TP63: variants seen among roughly 807,000 people sequenced by gnomAD.
TP63 encodes tumor protein 63.
TP63 carries 17 observed loss-of-function variants against 82.8 expected under a neutral mutation model. The observed-to-expected ratio is 0.21, with a 90% CI of 0.14 to 0.31. The LOEUF (loss-of-function observed/expected upper bound fraction) is 0.31, where lower values mean the gene tolerates loss of function less well. Ranked by LOEUF, TP63 falls within the 10% of genes least tolerant of loss-of-function variation. The pLI is 1.00. For synonymous variants in TP63, 330 were observed against 321.7 expected, an observed-to-expected ratio of 1.03 and a Z score of -0.28; for missense variants, 648 against 895.3, an observed-to-expected ratio of 0.72 and a Z score of 3.52.
intron 3 of TP63, among the ~76,000 whole-genome samples, chr3:189,775,673 A>G (rs1256666042): frequency 6.6e-6 from 1 of 152,154 alleles, no homozygotes; most frequent in Non-Finnish European, 1.5e-5. Context: ...TAATTCACAC[A>G]TTTTTAAGTA....
chr3:189,738,699 T>C lies in TP63; in HGVS notation c.249T>C (p.Asp83=), dbSNP rs765622386. The change falls in exon 3 of 14, where the codon GAT becomes GAC. Residue 83 remains aspartate (D), a synonymous_variant. Transcript: ENST00000264731. ...ACTTTGTGGATGAACCATCAGAAGA[T>C]GGTGCGACAAACAAGATTGAGATTA... ...DLNFVDEPSE[D]GATNKIEISM... 3 of 1,614,152 alleles carry C rather than the reference T, an allele frequency of 1.9e-6. No homozygotes were observed. Among genetic ancestry groups the C allele is most frequent in the Non-Finnish European group, 2.5e-6 (3 of 1,180,010 alleles).
At chr3:189,709,569 T>A (rs531857657) in intron 1 of TP63, among the ~76,000 whole-genome samples, 2 of 152,282 alleles carry the variant, frequency 1.3e-5, no homozygotes, top group Admixed American at 6.5e-5. Context: ...AGGAGAACTT[T>A]TTTTATTTGC....
rs540640845 is a variant in TP63 at position 189,741,280 on chromosome 3, C to A, written c.324+2506C>A. ...TTCTCTTGCCTTATGACTATTCCAA[C>A]ATTTTTATATTCTCATATATGTCCA... On this transcript the variant is annotated intron_variant, in intron 3 of 13. Coordinates refer to ENST00000264731, the MANE Select transcript of TP63 (RefSeq NM_003722.5). Among the ~76,000 whole-genome samples the A allele has an allele frequency of 7.3e-5, 11 of 151,322 alleles. No homozygotes were observed. The South Asian group carries it at 2.3e-3, about 32-fold the overall frequency.
intron 1 of TP63, among the ~76,000 whole-genome samples, chr3:189,680,912 G>T (rs551598027): frequency 6.6e-6 from 1 of 152,308 alleles, no homozygotes; most frequent in East Asian, 1.9e-4. Context: ...TGAGCCTGGA[G>T]TCTGGGTCTG....
At chr3:189,615,522 A>T in the TP63 span, among the ~76,000 whole-genome samples, 3 of 152,190 alleles carry the variant, frequency 2.0e-5, no homozygotes, top group African/African-American at 7.2e-5. Context: ...GGCACATACC[A>T]CATTAACATA....
At chr3:189,785,750 C>G (rs1467053320) in intron 3 of TP63, among the ~76,000 whole-genome samples, 1 of 152,030 alleles carries the variant, frequency 6.6e-6, no homozygotes. Flanking sequence ...AGTAATTTAT[C>G]TGGTCCTGTT....
At chr3:189,859,221 A>T (rs144147678) in intron 4 of TP63, among the ~76,000 whole-genome samples, 4 of 152,346 alleles carry the variant, frequency 2.6e-5, no homozygotes, top group Non-Finnish European at 5.9e-5. Flanking sequence ...TCAAAACATC[A>T]CATTTTACCT....
intron 10 of TP63, among the ~76,000 whole-genome samples, chr3:189,876,188 A>C (rs1212980523): frequency 6.6e-6 from 1 of 152,192 alleles, no homozygotes; most frequent in Non-Finnish European, 1.5e-5. Flanking sequence ...GAATAGTTTC[A>C]TGTCATTGTT....
the TP63 span, among the ~76,000 whole-genome samples, chr3:189,600,003 A>T: frequency 6.6e-6 from 1 of 152,218 alleles, no homozygotes; most frequent in Non-Finnish European, 1.5e-5. Context: ...TCAAAAATGG[A>T]TACTATACCA....
intron 4 of TP63, among the ~76,000 whole-genome samples, chr3:189,831,014 C>T (rs1331330564): frequency 1.3e-5 from 2 of 152,178 alleles, no homozygotes; most frequent in Non-Finnish European, 2.9e-5. Flanking sequence ...CCAGCTTTTG[C>T]TGGATGAGAT....
intron 3 of TP63, among the ~76,000 whole-genome samples, chr3:189,749,692 A>T (rs893675750): frequency 6.6e-6 from 1 of 152,222 alleles, no homozygotes; most frequent in African/African-American, 2.4e-5. Context: ...TATTTATCCA[A>T]AGGAAAAAAA....
chr3:189,680,951 A>G (rs1263339833), intron 1 of TP63, among the ~76,000 whole-genome samples: 1 of 152,184 alleles, frequency 6.6e-6, no homozygotes, highest in Non-Finnish European at 1.5e-5. Flanking sequence ...GTGCCAGGGT[A>G]CACTGGTGAA....
chr3:189,626,859 T>C (rs114452721), upstream of TP63, among the ~76,000 whole-genome samples: 1 of 152,044 alleles, frequency 6.6e-6, no homozygotes, highest in South Asian at 2.1e-4. Flanking sequence ...AGATGTGTGG[T>C]TTTTTTTCCA....
chr3:189,868,094 G>C, intron 7 of TP63, 152 bp downstream of exon 7: 3 of 747,678 alleles, frequency 4.0e-6, no homozygotes, highest in Non-Finnish European at 7.0e-6. Flanking sequence ...TTACATAAAA[G>C]ATCTAAGAAA....
At chr3:189,603,414 C>G in the TP63 span, among the ~76,000 whole-genome samples, 2 of 151,942 alleles carry the variant, frequency 1.3e-5, no homozygotes, top group African/African-American at 4.8e-5. Flanking sequence ...ATCAGAAGAC[C>G]TATTTCCTTC....
At chr3:189,863,634 A>T (rs1717316959) in intron 4 of TP63, among the ~76,000 whole-genome samples, 1 of 152,180 alleles carries the variant, frequency 6.6e-6, no homozygotes, top group African/African-American at 2.4e-5. Context: ...GCATTCTCCT[A>T]GTCTTTGACA....
the TP63 span, among the ~76,000 whole-genome samples, chr3:189,619,531 G>A: frequency 1.3e-5 from 2 of 152,134 alleles, no homozygotes; most frequent in African/African-American, 4.8e-5. Context: ...TTTGCAAAGA[G>A]GGCCTTGTCT....
chr3:189,761,931 T>A (rs67799575), intron 3 of TP63, among the ~76,000 whole-genome samples: 1 of 152,048 alleles, frequency 6.6e-6, no homozygotes, highest in Non-Finnish European at 1.5e-5. Flanking sequence ...TCAGATCTCC[T>A]GAGACTCATT....
chr3:189,887,659 C>A (rs1228731276), intron 11 of TP63, among the ~76,000 whole-genome samples: 1 of 152,142 alleles, frequency 6.6e-6, no homozygotes, highest in East Asian at 1.9e-4. Flanking sequence ...CTCGGGGATA[C>A]AGAAGACTGA....
Sources: allele counts gnomAD v4.1 joint callset (sites outside exome capture counted in the v4.1 genomes callset), GRCh38; gene constraint gnomAD v4.1.1; transcripts MANE v1.5; gene names NCBI Gene and HGNC (gene_info 2026-07-23, HGNC 2026-07-21).